The following SLC25A21 variants were observed in gnomAD, a reference collection of about 807,000 sequenced individuals.
SLC25A21 encodes the protein solute carrier family 25 member 21.
In SLC25A21, 47 loss-of-function variants were observed where a neutral mutation model predicts 43.8. The ratio of observed to expected loss-of-function variants is 1.07; its 90% CI spans 0.85 to 1.37. The LOEUF is 1.37. SLC25A21 is among the 40% of genes most tolerant of loss of function. The pLI, the probability that SLC25A21 is intolerant of heterozygous loss-of-function variation, is 0.00. For missense variants in SLC25A21, 352 were observed against 350.2 expected, an observed-to-expected ratio of 1.00 and a Z score of -0.04; for synonymous variants, 131 against 121.3, an observed-to-expected ratio of 1.08 and a Z score of -0.52.
intron 7 of SLC25A21, among the ~76,000 whole-genome samples, chr14:36,697,751 C>CTTTTTTTTTTTTTTTTTTTTTTTT (rs1883096336): frequency 1.5e-4 from 11 of 73,952 alleles, no homozygotes; most frequent in South Asian, 4.9e-4. Context: ...TTTTTTTTTG[C>CTTTTTTTTTTTTTTTTTTTTTTTT]TTTCCATTTG....
chr14:36,810,511 G>A (rs848086), intron 3 of SLC25A21, among the ~76,000 whole-genome samples: 23,044 of 151,978 alleles, frequency 0.15, 1,800 homozygotes, highest in Middle Eastern at 0.21. Flanking sequence ...ATCAACGTAG[G>A]GCATTTAGGT....
At chr14:36,729,871 A>G (rs1279061441) in intron 4 of SLC25A21, among the ~76,000 whole-genome samples, 1 of 152,208 alleles carries the variant, frequency 6.6e-6, no homozygotes, top group Non-Finnish European at 1.5e-5. Context: ...AATATATGGC[A>G]GTGATTCAAC....
intron 1 of SLC25A21, among the ~76,000 whole-genome samples, chr14:37,043,536 T>C (rs1001907425): frequency 2.0e-5 from 3 of 152,178 alleles, no homozygotes. Context: ...CCTCTTAAAC[T>C]TTCCCAGTTG....
intron 2 of SLC25A21, among the ~76,000 whole-genome samples, chr14:36,868,047 A>C (rs532909759): frequency 6.6e-6 from 1 of 152,094 alleles, no homozygotes; most frequent in Non-Finnish European, 1.5e-5. Context: ...CTAGTGCCAA[A>C]TGAGACAAGC....
chr14:36,996,825 G>T (rs1374643636), intron 1 of SLC25A21, among the ~76,000 whole-genome samples: 1 of 152,148 alleles, frequency 6.6e-6, no homozygotes, highest in East Asian at 1.9e-4. Flanking sequence ...CAGGAATGTG[G>T]TGACAAATAT....
intron 3 of SLC25A21, among the ~76,000 whole-genome samples, chr14:36,808,159 C>T (rs1888111470): frequency 6.6e-6 from 1 of 152,184 alleles, no homozygotes; most frequent in African/African-American, 2.4e-5. Flanking sequence ...CAGCAATCAA[C>T]ATGTTTCTCA....
chr14:36,729,004 T>C lies in SLC25A21; in HGVS notation c.330+503A>G, dbSNP rs558311317. Among the ~76,000 whole-genome samples the C allele has an allele frequency of 2.0e-5, 3 of 152,334 alleles. No individual in the cohort carries two copies. In the South Asian group the frequency reaches 6.2e-4, roughly 32 times the overall value. ...TTGTGTGATACATGAGATATGTCATTGTAATATCACAATTCTCCTTAGCTG... is the reference window on the plus strand; with the variant it reads ...TTGTGTGATACATGAGATATGTCATCGTAATATCACAATTCTCCTTAGCTG... On this transcript the variant is annotated intron_variant, in intron 5 of 9. Transcript: ENST00000331299.
intron 3 of SLC25A21, among the ~76,000 whole-genome samples, chr14:36,811,842 C>A (rs909260215): frequency 3.3e-5 from 5 of 151,966 alleles, no homozygotes; most frequent in African/African-American, 1.2e-4. Flanking sequence ...TAAAAAACTA[C>A]CAGAAGAAAT....
At chr14:36,875,342 G>T (rs1465466350) in intron 1 of SLC25A21, among the ~76,000 whole-genome samples, 1 of 152,106 alleles carries the variant, frequency 6.6e-6, no homozygotes, top group African/African-American at 2.4e-5. Flanking sequence ...AAGGATATGT[G>T]GAAGGAAGGG....
At chr14:36,882,491 T>C (rs1890764011) in intron 1 of SLC25A21, among the ~76,000 whole-genome samples, 1 of 152,198 alleles carries the variant, frequency 6.6e-6, no homozygotes, top group African/African-American at 2.4e-5. Flanking sequence ...CACTGTAGTC[T>C]ATGTGAATGG....
intron 3 of SLC25A21, among the ~76,000 whole-genome samples, chr14:36,761,328 C>T (rs1219575934): frequency 1.3e-5 from 2 of 152,220 alleles, no homozygotes; most frequent in Non-Finnish European, 2.9e-5. Context: ...GTGTCCTTCA[C>T]GAGAGCATTC....
intron 3 of SLC25A21, among the ~76,000 whole-genome samples, chr14:36,766,921 T>A (rs1886437831): frequency 6.6e-6 from 1 of 152,180 alleles, no homozygotes; most frequent in Non-Finnish European, 1.5e-5. Flanking sequence ...GGCAGTAGTA[T>A]CTTCTTCAGC....
chr14:36,784,037 C>T (rs1251153165), intron 3 of SLC25A21, among the ~76,000 whole-genome samples: 2 of 152,166 alleles, frequency 1.3e-5, no homozygotes, highest in Non-Finnish European at 2.9e-5. Context: ...ACATTCTTTT[C>T]CCATTTTGTG....
intron 1 of SLC25A21, among the ~76,000 whole-genome samples, chr14:37,140,872 C>T (rs531418649): frequency 3.9e-5 from 6 of 152,038 alleles, no homozygotes; most frequent in South Asian, 2.1e-4. Flanking sequence ...GAGCTGGGCA[C>T]GGTAAGGCTC....
chr14:37,160,417 C>T (rs1439186265), intron 1 of SLC25A21, among the ~76,000 whole-genome samples: 1 of 152,162 alleles, frequency 6.6e-6, no homozygotes, highest in African/African-American at 2.4e-5. Flanking sequence ...TCATTTGCAG[C>T]AACATGGATG....
At position 36,705,335 on chromosome 14, in the gene SLC25A21, GC is replaced by G. The variant is rs535592343; in HGVS notation, c.603+5982del. 1.6e-3 allele frequency among the ~76,000 whole-genome samples: 236 copies of G among 152,182 alleles called. 1 individual carries two copies. Among genetic ancestry groups the G allele is most frequent in the Middle Eastern group, 3.4e-3 (1 of 294 alleles). Reference sequence around the variant, plus strand: ...GCTGGGATTACAGGTGTGAGCCACTGCGTCCGGCGGCTTACTGTTTTAAGTT... The same window carrying G: ...GCTGGGATTACAGGTGTGAGCCACTGGTCCGGCGGCTTACTGTTTTAAGTT... On this transcript the variant is annotated intron_variant, in intron 7 of 9. Coordinates refer to ENST00000331299, the MANE Select transcript of SLC25A21 (RefSeq NM_030631.4).
intron 7 of SLC25A21, among the ~76,000 whole-genome samples, chr14:36,703,630 C>A (rs1035174372): frequency 2.0e-5 from 3 of 152,120 alleles, no homozygotes; most frequent in Non-Finnish European, 4.4e-5. Context: ...CTGAAAGCAC[C>A]ATTTAATACT....
chr14:36,883,710 T>C (rs1269545736), intron 1 of SLC25A21, among the ~76,000 whole-genome samples: 1 of 152,144 alleles, frequency 6.6e-6, no homozygotes, highest in Non-Finnish European at 1.5e-5. Context: ...GGGATTCCAT[T>C]TCAGTGATAT....
chr14:37,123,845 G>A (rs767658101), intron 1 of SLC25A21, among the ~76,000 whole-genome samples: 3 of 152,008 alleles, frequency 2.0e-5, no homozygotes, highest in Non-Finnish European at 4.4e-5. Flanking sequence ...GTGACATAGT[G>A]AGAACTCGTC....
Sources: allele counts gnomAD v4.1 joint callset (sites outside exome capture counted in the v4.1 genomes callset), GRCh38; gene constraint gnomAD v4.1.1; transcripts MANE v1.5; gene names NCBI Gene and HGNC (gene_info 2026-07-23, HGNC 2026-07-21).